The following TRIM39 variants were observed in gnomAD, a reference collection of about 807,000 sequenced individuals.
TRIM39 encodes the protein E3 ubiquitin-protein ligase TRIM39.
TRIM39 carries 5 observed loss-of-function variants against 53.6 expected under a neutral mutation model. The observed-to-expected ratio is 0.09, with a 90% CI of 0.05 to 0.20. The LOEUF is 0.20. Ranked by LOEUF, TRIM39 falls within the 10% of genes least tolerant of loss-of-function variation. The probability of loss-of-function intolerance (pLI) is 1.00; values close to 1 mark genes in which losing one functional copy is unlikely to be tolerated. For missense variants in TRIM39, 310 were observed against 621.0 expected, an observed-to-expected ratio of 0.50 and a Z score of 5.32; for synonymous variants, 196 against 237.6, an observed-to-expected ratio of 0.82 and a Z score of 1.61.
chr6:30,340,344 A>G, intron 6 of TRIM39, 161 bp from the exon 7 acceptor site: 2 of 1,613,046 alleles, frequency 1.2e-6, no homozygotes, highest in Non-Finnish European at 1.7e-6. Context: ...TCCTTGGATT[A>G]GTAAAAGAAA....
At chr6:30,336,952 T>A (rs1048825241) in intron 5 of TRIM39, among the ~76,000 whole-genome samples, 11 of 152,236 alleles carry the variant, frequency 7.2e-5, no homozygotes, top group African/African-American at 1.2e-4. Flanking sequence ...TCTTGATCCA[T>A]GGGCTGCCGA....
At position 30,338,523 on chromosome 6, in the gene TRIM39, T is replaced by C. The variant is rs932496344; in HGVS notation, c.781-1385T>C. ...ATATATTTATCGATTAAGTTGTTCGTCTTATATGGATGCAGTTCACAGTGC... is the reference window on the plus strand; with the variant it reads ...ATATATTTATCGATTAAGTTGTTCGCCTTATATGGATGCAGTTCACAGTGC... On this transcript the variant is annotated intron_variant, in intron 5 of 7. Coordinates refer to ENST00000396551, the Ensembl canonical transcript of TRIM39. The surrounding 1 kb of genome is among the most constrained non-coding windows in gnomAD (Gnocchi z 4.0). Among the ~76,000 whole-genome samples the C allele has an allele frequency of 1.3e-5, 2 of 151,196 alleles. No homozygotes were observed. Among genetic ancestry groups the C allele is most frequent in the Non-Finnish European group, 2.9e-5 (2 of 67,904 alleles).
At chr6:30,330,301 T>C (rs1384797324) in intron 3 of TRIM39, among the ~76,000 whole-genome samples, 3 of 152,230 alleles carry the variant, frequency 2.0e-5, no homozygotes, top group African/African-American at 4.8e-5. Context: ...AACAGAGATA[T>C]GAATGTGTTA....
intron 6 of TRIM39, 80 bp downstream of exon 6, chr6:30,340,010 G>C: frequency 6.2e-7 from 1 of 1,606,196 alleles, no homozygotes; most frequent in South Asian, 1.1e-5. Flanking sequence ...TTGGGTTGGG[G>C]GTGAGGTTGG....
chr6:30,333,181 T>C (rs1304440990), intron 4 of TRIM39, among the ~76,000 whole-genome samples: 2 of 152,176 alleles, frequency 1.3e-5, no homozygotes, highest in African/African-American at 4.8e-5. Context: ...CTTGGTGATA[T>C]GATTTTTCAT....
rs149244493 is a variant in TRIM39 at position 30,335,111 on chromosome 6, GTCA to G, written c.550-629_550-627del. ...ATCTCTGATATCTGTAATAGTTAAT[GTCA>G]TCATATTATTGAGTTCTTTATCTTA... is the stretch of plus-strand genomic sequence containing the variant. On this transcript the variant is annotated intron_variant, in intron 4 of 7. Transcript: ENST00000396551. The surrounding 1 kb of genome is among the most constrained non-coding windows in gnomAD (Gnocchi z 4.7). Among the ~76,000 whole-genome samples the G allele has an allele frequency of 1.3e-5, 2 of 152,184 alleles. No homozygotes were observed. Among genetic ancestry groups the G allele is most frequent in the East Asian group, 1.9e-4 (1 of 5,176 alleles).
intron 4 of TRIM39, among the ~76,000 whole-genome samples, chr6:30,333,071 C>T (rs185476215): frequency 1.3e-5 from 2 of 152,230 alleles, no homozygotes; most frequent in African/African-American, 4.8e-5. Flanking sequence ...TGGTTATATG[C>T]TTGCCCCTAT....
At chr6:30,340,885 T>TG (rs1787438010) in intron 7 of TRIM39, among the ~76,000 whole-genome samples, 2 of 152,116 alleles carry the variant, frequency 1.3e-5, no homozygotes, top group African/African-American at 4.8e-5. Context: ...TCGGGTAGAG[T>TG]GGTTATATAA....
rs1787660301 is a variant in TRIM39 at position 30,342,524 on chromosome 6, C to G, written c.*265C>G. ...TCTACCCTGAAGTCCATCAGGTTTT[C>G]TGTTGCACAAGGACGGGTCAGGAAG... On this transcript the variant is annotated 3_prime_UTR_variant, in exon 8 of 8. Transcript: ENST00000396551. This position sits in a 1 kb window ranked among gnomAD's most constrained non-coding sequence, Gnocchi z 4.7. The G allele has an allele frequency of 3.6e-6, 2 of 562,028 alleles. No individual in the cohort carries two copies. The highest frequency in any genetic ancestry group is 1.9e-5 in the African/African-American group (1 of 53,528). 34.8% of individuals were successfully genotyped at this position (562,028 alleles called of 1,614,324 possible).
In TRIM39 at chr6:30,335,497, A is replaced by G. The variant is rs1786745187; in HGVS notation, c.550-248A>G. On this transcript the variant is annotated intron_variant, in intron 4 of 7. Transcript: ENST00000396551. This position sits in a 1 kb window ranked among gnomAD's most constrained non-coding sequence, Gnocchi z 4.7. ...CCACCAGACTCAGCTAATTTTTTGT[A>G]TTTTTTGTAGAGTTGGGGTTTCACC... 6.6e-6 allele frequency among the ~76,000 whole-genome samples: 1 copy of G among 151,762 alleles called. No homozygotes were observed. The highest frequency in any genetic ancestry group is 1.5e-5 in the Non-Finnish European group (1 of 67,946).
chr6:30,328,214 C>T (rs1785643738), intron 1 of TRIM39, among the ~76,000 whole-genome samples: 1 of 152,170 alleles, frequency 6.6e-6, no homozygotes, highest in African/African-American at 2.4e-5. Flanking sequence ...ACACACTATG[C>T]CCAGGGTGTT....
chr6:30,328,680 T>C lies in TRIM39; in HGVS notation c.-160-209T>C, dbSNP rs529412624. ...GCTTATCAGCTGTCATTAGTGTCAA[T>C]GTATTTTATGTCTGGCCCAAGACAC... On this transcript the variant is annotated intron_variant, in intron 1 of 7. Coordinates refer to ENST00000396551, the Ensembl canonical transcript of TRIM39. Among the ~76,000 whole-genome samples, 23 of 152,108 alleles carry C rather than the reference T, an allele frequency of 1.5e-4. No individual in the cohort carries two copies. The South Asian group carries it at 4.6e-3, about 30-fold the overall frequency.
rs549302419 is a variant in TRIM39 at position 30,334,895 on chromosome 6, A to G, written c.550-850A>G. Among the ~76,000 whole-genome samples, 71 of 152,020 alleles carry G rather than the reference A, an allele frequency of 4.7e-4. No homozygotes were observed. In the Middle Eastern group the frequency reaches 0.014, roughly 29 times the overall value. On this transcript the variant is annotated intron_variant, in intron 4 of 7. Coordinates refer to ENST00000396551, the Ensembl canonical transcript of TRIM39. Reference sequence around the variant, plus strand: ...CAGATGTGCATTGCCATGCCCGACTAATTTTTTTTTCTTTTTAGTTGAAAC... The same window carrying G: ...CAGATGTGCATTGCCATGCCCGACTGATTTTTTTTTCTTTTTAGTTGAAAC...
At position 30,335,482 on chromosome 6, in the gene TRIM39, C is replaced by T. The variant is rs1786744297; in HGVS notation, c.550-263C>T. Among the ~76,000 whole-genome samples the T allele has an allele frequency of 6.6e-6, 1 of 152,126 alleles. No homozygotes were observed. Among genetic ancestry groups the T allele is most frequent in the Non-Finnish European group, 1.5e-5 (1 of 68,018 alleles). ...GACTACAGGCATGCACCACCAGACT[C>T]AGCTAATTTTTTGTATTTTTTGTAG... is the stretch of plus-strand genomic sequence containing the variant. On this transcript the variant is annotated intron_variant, in intron 4 of 7. Coordinates refer to ENST00000396551, the Ensembl canonical transcript of TRIM39. The surrounding 1 kb of genome is among the most constrained non-coding windows in gnomAD (Gnocchi z 4.7).
chr6:30,331,809 A>G (rs140855703), intron 4 of TRIM39, among the ~76,000 whole-genome samples: 9 of 152,314 alleles, frequency 5.9e-5, no homozygotes, highest in Non-Finnish European at 1.2e-4. Context: ...CCTCTTTTAT[A>G]GCATTGCCTT....
chr6:30,328,278 T>C (rs927364699), intron 1 of TRIM39, among the ~76,000 whole-genome samples: 1 of 152,192 alleles, frequency 6.6e-6, no homozygotes, highest in Non-Finnish European at 1.5e-5. Flanking sequence ...GACTCGTTGC[T>C]CTCTTTTCAA....
chr6:30,339,856 A>T lies in TRIM39; in HGVS notation c.781-52A>T. 6.2e-7 allele frequency: 1 copy of T among 1,613,266 alleles called. No individual in the cohort carries two copies. Among genetic ancestry groups the T allele is most frequent in the Non-Finnish European group, 8.5e-7 (1 of 1,179,512 alleles). ...GGAGGAGGGGGAACCTTTTGCCTTC[A>T]GGACCACTGAATACCAGGACCAATA... On this transcript the variant is annotated intron_variant, in intron 5 of 7. Coordinates refer to ENST00000396551, the Ensembl canonical transcript of TRIM39. This position sits in a 1 kb window ranked among gnomAD's most constrained non-coding sequence, Gnocchi z 4.2.
At position 30,342,922 on chromosome 6, in the gene TRIM39, G is replaced by A. The variant is rs1787713231; in HGVS notation, c.*663G>A. On this transcript the variant is annotated 3_prime_UTR_variant, in exon 8 of 8. Coordinates refer to ENST00000396551, the Ensembl canonical transcript of TRIM39. This position sits in a 1 kb window ranked among gnomAD's most constrained non-coding sequence, Gnocchi z 4.7. ...GGTAAGATTGGCCAGAGGTAGGAATGTGGGGAGAAGGAGAGGCTGAAAAGA... is the reference window on the plus strand; with the variant it reads ...GGTAAGATTGGCCAGAGGTAGGAATATGGGGAGAAGGAGAGGCTGAAAAGA... 2 of 152,812 alleles carry A rather than the reference G, an allele frequency of 1.3e-5. No homozygotes were observed. Among genetic ancestry groups the A allele is most frequent in the African/African-American group, 4.8e-5 (2 of 41,436 alleles). The allele number at this position is 152,812 out of a possible 1,614,324, so 9.5% of individuals were successfully genotyped here. A position where few individuals can be genotyped will look rare whatever the true frequency, so the allele number is the denominator to read the frequency against.
chr6:30,334,474 T>C (rs925030534), intron 4 of TRIM39, among the ~76,000 whole-genome samples: 1 of 152,200 alleles, frequency 6.6e-6, no homozygotes, highest in Admixed American at 6.5e-5. Context: ...GTTTCAAATT[T>C]CAAGAAACTA....
Sources: gnomAD v4.1 joint callset for allele counts (sites outside exome capture counted in the v4.1 genomes callset) on GRCh38, gnomAD v4.1.1 for gene constraint, Gnocchi (gnomAD v3.1) non-coding constraint, MANE v1.5 for transcripts, NCBI Gene and HGNC (gene_info 2026-07-23, HGNC 2026-07-21) for gene names.